SAMD11: variants seen among roughly 807,000 people sequenced by gnomAD.
SAMD11 encodes sterile alpha motif domain-containing protein 11.
A neutral mutation model predicts 64.4 loss-of-function variants in SAMD11; 77 were observed. That is an observed-to-expected ratio of 1.20 (90% confidence interval 0.99 to 1.44). SAMD11 has a LOEUF of 1.44. SAMD11 is among the 40% of genes most tolerant of loss of function. SAMD11 has a pLI of 0.00. For synonymous variants in SAMD11, 658 were observed against 421.9 expected, an observed-to-expected ratio of 1.56 and a Z score of -6.86; for missense variants, 1,402 against 943.3, an observed-to-expected ratio of 1.49 and a Z score of -6.37.
At chr1:943,103 G>A (rs760349582) in intron 11 of SAMD11, 45 bp downstream of exon 11, 1 of 1,555,378 alleles carries the variant, frequency 6.4e-7, no homozygotes, top group South Asian at 1.2e-5. Context: ...GCACAGGACT[G>A]GCAGGCCGCC....
At chr1:935,182 CCCCCGCCTG>C (rs1323008929) in intron 4 of SAMD11, among the ~76,000 whole-genome samples, 3 of 152,142 alleles carry the variant, frequency 2.0e-5, no homozygotes, top group Non-Finnish European at 2.9e-5. Flanking sequence ...TGATTCCAAG[CCCCCGCCTG>C]CCGGGGGGAC....
chr1:926,351 G>A (rs533942384), intron 2 of SAMD11, among the ~76,000 whole-genome samples: 2 of 152,350 alleles, frequency 1.3e-5, no homozygotes, highest in South Asian at 4.1e-4. Context: ...CGTGGGCCTG[G>A]CACTGTGCCC....
intron 7 of SAMD11, 103 bp from the exon 8 acceptor site, chr1:941,041 G>C: frequency 9.1e-7 from 1 of 1,100,838 alleles, no homozygotes; most frequent in Non-Finnish European, 1.3e-6. Flanking sequence ...GCACGGCCGA[G>C]TGGTGTGGTC....
rs897997931 is a variant in SAMD11, at chr1:943,243, C to T, written c.2054-10C>T. 6.2e-7 allele frequency: 1 copy of T among 1,612,820 alleles called. No homozygotes were observed. The highest frequency in any genetic ancestry group is 8.5e-7 in the Non-Finnish European group (1 of 1,179,796). ...CAGCCAGAGCCCTAGTAACACGCCC[C>T]ACAACTCAGGCGCGGTAGGGGGACT... is the stretch of plus-strand genomic sequence containing the variant. On this transcript the variant is annotated splice_polypyrimidine_tract_variant and intron_variant, in intron 11 of 13. Coordinates refer to ENST00000616016, the MANE Select transcript of SAMD11 (RefSeq NM_001385641.1).
At position 943,779 on chromosome 1, in the gene SAMD11, C is replaced by G. The variant is rs914501002; in HGVS notation, c.2260C>G (p.Leu754Val). 3 of 1,612,536 alleles carry G rather than the reference C, an allele frequency of 1.9e-6. No individual in the cohort carries two copies. The highest frequency in any genetic ancestry group is 3.3e-5 in the Admixed American group (2 of 59,992). The change falls in exon 13 of 14, where the codon CTG becomes GTG. Residue 754 changes from leucine to valine, a missense_variant. Leu to Val is a conservative substitution (Grantham distance 32). Coordinates refer to ENST00000616016, the MANE Select transcript of SAMD11 (RefSeq NM_001385641.1). ...EHLLTNMGLK[L>V]GPALKIRAQV... ...CCTGCTGACCAACATGGGGCTGAAG[C>G]TGGGGCCCGCCCTCAAGATCCGGGC...
intron 8 of SAMD11, 56 bp from the exon 9 acceptor site, chr1:942,080 G>A (rs565011260): frequency 5.8e-6 from 3 of 518,736 alleles, no homozygotes; most frequent in East Asian, 3.5e-5. Flanking sequence ...GGGGCGCCGG[G>A]GCCTTTACGG....
chr1:943,092 G>T (rs371756362), intron 11 of SAMD11, 34 bp downstream of exon 11: 1 of 1,549,792 alleles, frequency 6.5e-7, no homozygotes, highest in African/African-American at 1.4e-5. Flanking sequence ...CCTTCCAGAG[G>T]GCACAGGACT....
Position 943,034 on chromosome 1 carries a change from G to A in SAMD11, c.2029G>A (p.Ala677Thr). 1 of 1,532,012 alleles carries A rather than the reference G, an allele frequency of 6.5e-7. No individual in the cohort carries two copies. The highest frequency in any genetic ancestry group is 1.3e-5 in the South Asian group (1 of 77,896). The allele number at this position is 1,532,012 out of a possible 1,614,324, so 94.9% of individuals were successfully genotyped here. ...CACACTGCCCCTGGGCTTCCCTTAT[G>A]CCGTCAGCCCCTACTTCCACACAGG... ...GSTLPLGFPY[A>T]VSPYFHTGAV... is the part of the protein sequence containing the mutation. Residue 677 changes from alanine to threonine, a missense_variant, in exon 11 of 14, where the codon GCC becomes ACC. Physicochemically the swap from Ala to Thr is moderately conservative, Grantham distance 58. Transcript: ENST00000616016.
chr1:929,848 G>C (rs548724091), intron 2 of SAMD11, among the ~76,000 whole-genome samples: 1 of 152,336 alleles, frequency 6.6e-6, no homozygotes, highest in East Asian at 1.9e-4. Flanking sequence ...CGTGGGGTGG[G>C]GCAGGGGAGG....
rs540057607 is a variant in SAMD11 at position 935,775 on chromosome 1, G to A, written c.846G>A (p.Gln282=). Residue 282 remains glutamine (Q), a synonymous_variant, in exon 5 of 14, where the codon CAG becomes CAA. Transcript: ENST00000616016. ...TTTTCCCGGTCTCGTTCTGCAGCCA[G>A]GACGGCAACCTTCCCACCCTCATAT... is the stretch of plus-strand genomic sequence containing the variant. The part of the protein sequence containing the change: ...NISFREASCS[Q]DGNLPTLISS... 5 of 1,613,352 alleles carry A rather than the reference G, an allele frequency of 3.1e-6. No individual in the cohort carries two copies. The Admixed American group carries it at 8.3e-5, about 27-fold the overall frequency.
In SAMD11 at chr1:942,422, T is replaced by A; in HGVS notation, c.1487T>A (p.Leu496Gln). The change falls in exon 10 of 14, where the codon CTG becomes CAG. Residue 496 changes from leucine (L) to glutamine (Q), a missense_variant. Leu to Gln is a moderately radical substitution (Grantham distance 113). Coordinates refer to ENST00000616016, the MANE Select transcript of SAMD11 (RefSeq NM_001385641.1). ...CCCTCCCCACCAGGCTACGGCTTCC[T>A]GCCCCCCGCGCAGGCGGAGATGTTC... is the stretch of plus-strand genomic sequence containing the variant. ...ALCQTPGYGF[L>Q]PPAQAEMFAW... 1 of 1,464,368 alleles carries A rather than the reference T, an allele frequency of 6.8e-7. No individual in the cohort carries two copies. Among genetic ancestry groups the A allele is most frequent in the Non-Finnish European group, 9.0e-7 (1 of 1,110,314 alleles). 90.7% of individuals were successfully genotyped at this position (1,464,368 alleles called of 1,614,324 possible).
At position 943,387 on chromosome 1, in the gene SAMD11, G is replaced by C. The variant is rs761847105; in HGVS notation, c.2178+10G>C. Reference sequence around the variant, plus strand: ...TGGAGAGTACACTCGGGTAAGGGGGGGCCCCAGTTCCTGGGGCGGGGCTGG... The same window carrying C: ...TGGAGAGTACACTCGGGTAAGGGGGCGCCCCAGTTCCTGGGGCGGGGCTGG... On this transcript the variant is annotated intron_variant, in intron 12 of 13. Transcript: ENST00000616016. 3 of 1,528,456 alleles carry C rather than the reference G, an allele frequency of 2.0e-6. No homozygotes were observed. The highest frequency in any genetic ancestry group is 2.6e-6 in the Non-Finnish European group (3 of 1,136,044). 94.7% of individuals were successfully genotyped at this position (1,528,456 alleles called of 1,614,324 possible). A position where few individuals can be genotyped will look rare whatever the true frequency, so the allele number is the denominator to read the frequency against.
intron 7 of SAMD11, among the ~76,000 whole-genome samples, chr1:939,798 G>A (rs542266598): frequency 2.3e-5 from 1 of 42,804 alleles, no homozygotes; most frequent in South Asian, 9.4e-4. Context: ...ACGCCGACCT[G>A]CCAGACGCCT....
In SAMD11 at chr1:943,290, C is replaced by T. The variant is rs1414888768; in HGVS notation, c.2091C>T (p.Ala697=). 3.7e-6 allele frequency: 6 copies of T among 1,612,586 alleles called. No individual in the cohort carries two copies. In the South Asian group the frequency reaches 5.5e-5, roughly 15 times the overall value. Residue 697 remains alanine (A), a synonymous_variant, in exon 12 of 14, where the codon GCC becomes GCT. Transcript: ENST00000616016. The stretch of plus-strand genomic sequence containing the variant: ...GACTCTCCATGGATGGGGAGGAGGC[C>T]CCAGCCCCTGAGGACGTCACCAAGT... The part of the protein sequence containing the change: ...VGGLSMDGEE[A]PAPEDVTKWT...
At chr1:927,778 G>A (rs1372852153) in intron 2 of SAMD11, among the ~76,000 whole-genome samples, 2 of 152,256 alleles carry the variant, frequency 1.3e-5, no homozygotes, top group East Asian at 1.9e-4. Context: ...TCTGTGTGCT[G>A]TGGCCGAGGT....
At chr1:925,453 C>T (rs1640835436) in intron 1 of SAMD11, among the ~76,000 whole-genome samples, 1 of 151,892 alleles carries the variant, frequency 6.6e-6, no homozygotes, top group South Asian at 2.1e-4. Context: ...CGCGGGGGCG[C>T]CTGAGCCGGG....
chr1:930,247 T>C lies in SAMD11; in HGVS notation c.702T>C (p.Asp234=), dbSNP rs756661577. 3.9e-5 allele frequency: 62 copies of C among 1,604,664 alleles called. No individual in the cohort carries two copies. Among genetic ancestry groups the C allele is most frequent in the Admixed American group, 6.8e-5 (4 of 58,828 alleles). ...GAACTCCCAGCTTCTCTGCCAGCGATGGTGACAGCGACGGGAGTGGCCCCA... is the reference window on the plus strand; with the variant it reads ...GAACTCCCAGCTTCTCTGCCAGCGACGGTGACAGCGACGGGAGTGGCCCCA... ...KERTPSFSAS[D]GDSDGSGPTC... The change falls in exon 3 of 14, where the codon GAT becomes GAC. Residue 234 remains aspartate (D), a synonymous_variant. Coordinates refer to ENST00000616016, the MANE Select transcript of SAMD11 (RefSeq NM_001385641.1).
At chr1:937,334 G>C (rs1046482261) in intron 5 of SAMD11, among the ~76,000 whole-genome samples, 3 of 152,126 alleles carry the variant, frequency 2.0e-5, no homozygotes, top group African/African-American at 7.2e-5. Context: ...GGGTCCATGA[G>C]TGAGGAGTGA....
At chr1:941,997 G>A (rs1325304097) in intron 8 of SAMD11, 139 bp from the exon 9 acceptor site, 2 of 383,514 alleles carry the variant, frequency 5.2e-6, no homozygotes, top group Non-Finnish European at 9.2e-6. Flanking sequence ...CGGGGATGGC[G>A]CGCGACCTGG....
Sources: allele counts gnomAD v4.1 joint callset (sites outside exome capture counted in the v4.1 genomes callset), GRCh38; gene constraint gnomAD v4.1.1; transcripts MANE v1.5; gene names NCBI Gene and HGNC (gene_info 2026-07-23, HGNC 2026-07-21).